Variants in CTIF observed in about 807,000 individuals in gnomAD.
CTIF encodes the protein cap binding complex dependent translation initiation factor, also known as CBP80/20-dependent translation initiation factor.
In CTIF, 21 loss-of-function variants were observed where a neutral mutation model predicts 66.0. The observed-to-expected ratio is 0.32, with a 90% CI of 0.23 to 0.46. The LOEUF (loss-of-function observed/expected upper bound fraction) is 0.46, where lower values mean the gene tolerates loss of function less well. CTIF is among the 20% of genes least tolerant of loss of function. The pLI, the probability that CTIF is intolerant of heterozygous loss-of-function variation, is 1.00. For synonymous variants in CTIF, 345 were observed against 326.4 expected (o/e 1.06, Z -0.62); for missense variants, 739 against 812.7 (o/e 0.91, Z 1.10).
intron 6 of CTIF, among the ~76,000 whole-genome samples, 186 bp downstream of exon 6, chr18:48,670,930 G>A (rs560556909): frequency 3.9e-5 from 6 of 152,296 alleles, no homozygotes; most frequent in East Asian, 3.9e-4. Context: ...CATTGTGATC[G>A]TGTGTGTGAC....
At chr18:48,694,035 CAG>C (rs1347255605) in intron 6 of CTIF, among the ~76,000 whole-genome samples, 1 of 152,218 alleles carries the variant, frequency 6.6e-6, no homozygotes, top group Admixed American at 6.5e-5. Flanking sequence ...GCTCTTAAAA[CAG>C]AGCAGTGTCC....
At chr18:48,664,641 AG>A in intron 5 of CTIF, 90 bp downstream of exon 5, 2 of 1,093,724 alleles carry the variant, frequency 1.8e-6, no homozygotes, top group Non-Finnish European at 2.7e-6. Context: ...TCTGCTGCAC[AG>A]GGGACTCAGG....
intron 10 of CTIF, among the ~76,000 whole-genome samples, chr18:48,853,733 T>C (rs2069260951): frequency 6.6e-6 from 1 of 152,208 alleles, no homozygotes; most frequent in Non-Finnish European, 1.5e-5. Context: ...CAGCCAAGCC[T>C]GCCGTGGGTC....
intron 9 of CTIF, among the ~76,000 whole-genome samples, chr18:48,807,787 G>A (rs1300173121): frequency 6.6e-6 from 1 of 151,880 alleles, no homozygotes; most frequent in Non-Finnish European, 1.5e-5. Flanking sequence ...TCACCATGTT[G>A]GCCAGGTTGG....
intron 10 of CTIF, among the ~76,000 whole-genome samples, chr18:48,850,096 T>C (rs929095230): frequency 2.0e-4 from 30 of 152,304 alleles, no homozygotes; most frequent in African/African-American, 7.2e-4. Context: ...AGGGACCTCA[T>C]AGAAGTGGAA....
intron 1 of CTIF, among the ~76,000 whole-genome samples, chr18:48,578,014 A>C (rs556231508): frequency 6.6e-6 from 1 of 152,190 alleles, no homozygotes. Flanking sequence ...GCAACCACTT[A>C]TGTGCTTTCT....
intron 3 of CTIF, among the ~76,000 whole-genome samples, chr18:48,646,468 C>A (rs2091032952): frequency 6.6e-6 from 1 of 150,900 alleles, no homozygotes; most frequent in Non-Finnish European, 1.5e-5. Context: ...AAGTGACGGC[C>A]AAGAGCGGTG....
At chr18:48,676,825 AC>A (rs1323106194) in intron 6 of CTIF, among the ~76,000 whole-genome samples, 1 of 151,298 alleles carries the variant, frequency 6.6e-6, no homozygotes, top group East Asian at 2.0e-4. Flanking sequence ...CCTCCCCACT[AC>A]CTCTCTAAAG....
Position 48,761,427 on chromosome 18 carries a change from A to G in CTIF, c.1109A>G (p.Asn370Ser), listed in dbSNP as rs780971462. 1.9e-6 allele frequency: 3 copies of G among 1,614,056 alleles called. No homozygotes were observed. In the Admixed American group the frequency reaches 5.0e-5, roughly 27 times the overall value. Reference sequence around the variant, plus strand: ...GTGGAGACGACCACTCCCCAGCAGAACAAGATGGACAAGCTGATCGAGATC... The same window carrying G: ...GTGGAGACGACCACTCCCCAGCAGAGCAAGATGGACAAGCTGATCGAGATC... ...VAVETTTPQQ[N>S]KMDKLIEILN... The change falls in exon 9 of 12, where the codon AAC becomes AGC. Residue 370 changes from asparagine (N) to serine (S), a missense_variant. Transcript: ENST00000256413. This position sits in a 1 kb window ranked among gnomAD's most constrained non-coding sequence, Gnocchi z 4.2.
intron 6 of CTIF, among the ~76,000 whole-genome samples, chr18:48,681,190 G>A (rs1472861445): frequency 6.6e-6 from 1 of 152,250 alleles, no homozygotes; most frequent in African/African-American, 2.4e-5. Flanking sequence ...CTTCCATTGT[G>A]AGCTGCTGCA....
intron 7 of CTIF, among the ~76,000 whole-genome samples, chr18:48,719,394 C>T (rs1415714544): frequency 1.3e-5 from 2 of 152,142 alleles, no homozygotes; most frequent in Non-Finnish European, 2.9e-5. Flanking sequence ...CCAGGTCCCC[C>T]AGATCTTGCC....
At chr18:48,591,559 T>C (rs2089887789) in intron 1 of CTIF, among the ~76,000 whole-genome samples, 1 of 152,142 alleles carries the variant, frequency 6.6e-6, no homozygotes, top group Non-Finnish European at 1.5e-5. Context: ...CTGAAGAGAG[T>C]GCAGCTAAAG....
At chr18:48,831,760 A>C (rs1410890715) in intron 10 of CTIF, among the ~76,000 whole-genome samples, 2 of 152,230 alleles carry the variant, frequency 1.3e-5, no homozygotes, top group African/African-American at 4.8e-5. Flanking sequence ...AATATATCCA[A>C]ATAATCACCA....
intron 6 of CTIF, among the ~76,000 whole-genome samples, chr18:48,709,740 C>A (rs1019389141): frequency 6.6e-6 from 1 of 152,188 alleles, no homozygotes; most frequent in Non-Finnish European, 1.5e-5. Context: ...GGTGTTTTTC[C>A]TTATTTGTGT....
At chr18:48,743,264 T>A (rs1382200075) in intron 7 of CTIF, among the ~76,000 whole-genome samples, 5 of 152,170 alleles carry the variant, frequency 3.3e-5, no homozygotes, top group Admixed American at 2.6e-4. Context: ...TGACTCTGTG[T>A]CCACACGGAG....
At chr18:48,689,225 C>G (rs2091889459) in intron 6 of CTIF, among the ~76,000 whole-genome samples, 1 of 152,192 alleles carries the variant, frequency 6.6e-6, no homozygotes, top group South Asian at 2.1e-4. Context: ...TTTTTCATCC[C>G]TGAAGGAGGC....
chr18:48,707,824 T>G (rs1027050892), intron 6 of CTIF, among the ~76,000 whole-genome samples: 1 of 152,218 alleles, frequency 6.6e-6, no homozygotes, highest in Admixed American at 6.5e-5. Flanking sequence ...TTCTGGAACG[T>G]TGTTATCACC....
At chr18:48,609,207 G>C (rs1220851268) in intron 1 of CTIF, among the ~76,000 whole-genome samples, 1 of 152,178 alleles carries the variant, frequency 6.6e-6, no homozygotes, top group Non-Finnish European at 1.5e-5. Context: ...GAGGACTCAG[G>C]GTGTTCAGAG....
chr18:48,837,914 C>T (rs986329925), intron 10 of CTIF, among the ~76,000 whole-genome samples: 1 of 152,188 alleles, frequency 6.6e-6, no homozygotes, highest in Non-Finnish European at 1.5e-5. Flanking sequence ...CACCCACACC[C>T]TCCCTGGTGG....
Sources: allele counts gnomAD v4.1 joint callset (sites outside exome capture counted in the v4.1 genomes callset), GRCh38; gene constraint gnomAD v4.1.1; non-coding constraint Gnocchi (gnomAD v3.1); transcripts MANE v1.5; gene names NCBI Gene and HGNC (gene_info 2026-07-23, HGNC 2026-07-21).